GPHN: variants seen among roughly 807,000 people sequenced by gnomAD.
GPHN encodes the protein gephyrin.
In GPHN, 17 loss-of-function variants were observed where a neutral mutation model predicts 95.5. The ratio of observed to expected loss-of-function variants is 0.18; its 90% confidence interval spans 0.12 to 0.27. The LOEUF is 0.27. GPHN is among the 10% of genes least tolerant of loss of function. GPHN has a pLI of 1.00. For synonymous variants in GPHN, 320 were observed against 322.5 expected, an observed-to-expected ratio of 0.99 and a Z score of 0.08; for missense variants, 660 against 978.1, an observed-to-expected ratio of 0.67 and a Z score of 4.34.
chr14:67,535,892 A>G, the GPHN span, among the ~76,000 whole-genome samples: 4 of 152,358 alleles, frequency 2.6e-5, no homozygotes, highest in Non-Finnish European at 5.9e-5. Context: ...TGACGGTTTC[A>G]TATGGTTCAA....
At chr14:66,518,179 A>G (rs2058330686) in intron 1 of GPHN, among the ~76,000 whole-genome samples, 1 of 152,052 alleles carries the variant, frequency 6.6e-6, no homozygotes. Flanking sequence ...CTGATTAAAA[A>G]AAGATGGGAT....
chr14:66,802,593 A>G (rs2060398705), intron 3 of GPHN, among the ~76,000 whole-genome samples: 2 of 152,174 alleles, frequency 1.3e-5, no homozygotes, highest in Admixed American at 6.5e-5. Context: ...AGCAAGTCTC[A>G]CCATCTCACC....
Position 66,824,458 on chromosome 14 carries a change from T to A in GPHN, c.202-16T>A, listed in dbSNP as rs556470025. ...CAAATTTTTCTGCACATGACTATAC[T>A]ATTGTTTTCTTTCAGGAAACCCTGA... On this transcript the variant is annotated splice_polypyrimidine_tract_variant and intron_variant, in intron 3 of 22. Transcript: ENST00000478722. The A allele has an allele frequency of 4.7e-5, 65 of 1,387,596 alleles. No individual in the cohort carries two copies. In the South Asian group the frequency reaches 7.0e-4, roughly 15 times the overall value. The allele number at this position is 1,387,596 out of a possible 1,614,324, so 86.0% of individuals were successfully genotyped here.
At chr14:66,691,738 T>C (rs1208042289) in intron 2 of GPHN, among the ~76,000 whole-genome samples, 1 of 152,138 alleles carries the variant, frequency 6.6e-6, no homozygotes, top group Non-Finnish European at 1.5e-5. Flanking sequence ...ATATAGAGGA[T>C]AGACTACAAA....
At chr14:67,202,067 C>A in the GPHN span, among the ~76,000 whole-genome samples, 1 of 152,204 alleles carries the variant, frequency 6.6e-6, no homozygotes, top group Non-Finnish European at 1.5e-5. Flanking sequence ...GAGTCCATAT[C>A]CAGGGGTGTG....
At chr14:67,374,552 GTTGATCT>G in the GPHN span, 8 of 1,593,952 alleles carry the variant, frequency 5.0e-6, no homozygotes, top group African/African-American at 9.4e-5. Flanking sequence ...AAAACTGTAA[GTTGATCT>G]TTGAGTCAAA....
chr14:67,167,824 A>G (rs2082370216), intron 20 of GPHN, among the ~76,000 whole-genome samples: 1 of 152,214 alleles, frequency 6.6e-6, no homozygotes, highest in African/African-American at 2.4e-5. Context: ...GACTCAAAAA[A>G]CTTTGGAACT....
At chr14:66,645,393 T>G (rs955187481) in intron 1 of GPHN, among the ~76,000 whole-genome samples, 1 of 152,108 alleles carries the variant, frequency 6.6e-6, no homozygotes, top group Non-Finnish European at 1.5e-5. Flanking sequence ...TACATCTTTA[T>G]TTAAAAATTT....
intron 8 of GPHN, among the ~76,000 whole-genome samples, chr14:66,939,287 A>G (rs1201770545): frequency 6.6e-6 from 1 of 152,216 alleles, no homozygotes; most frequent in Non-Finnish European, 1.5e-5. Flanking sequence ...TATACCTGAT[A>G]AGAGATTAAT....
At chr14:66,758,936 C>T (rs1018590260) in intron 2 of GPHN, among the ~76,000 whole-genome samples, 11 of 152,246 alleles carry the variant, frequency 7.2e-5, no homozygotes, top group Non-Finnish European at 1.2e-4. Context: ...AATTTAATGG[C>T]AAGTGTATGA....
intron 1 of GPHN, among the ~76,000 whole-genome samples, chr14:66,577,572 G>A (rs2060959479): frequency 6.6e-6 from 1 of 152,066 alleles, no homozygotes. Context: ...GTCAACCAAA[G>A]TCTCAGTGAT....
the GPHN span, chr14:67,569,686 A>G: frequency 1.8e-6 from 1 of 566,254 alleles, no homozygotes; most frequent in Non-Finnish European, 3.2e-6. Flanking sequence ...CATGGAGGAA[A>G]AAATGGTTAA....
In GPHN at chr14:66,708,067, G is replaced by A. The variant is rs566631528; in HGVS notation, c.143+26882G>A. On this transcript the variant is annotated intron_variant, in intron 2 of 22. Coordinates refer to ENST00000478722, the MANE Select transcript of GPHN (RefSeq NM_020806.5). ...ACAGTTTGACTAAAGATTTCCAAGT[G>A]AATTTTTAAAACATGCACCCAAGTT... 2.4e-3 allele frequency among the ~76,000 whole-genome samples: 365 copies of A among 152,174 alleles called. 4 individuals are homozygous for A. The highest frequency in any genetic ancestry group is 8.3e-3 in the African/African-American group (344 of 41,514).
intron 1 of GPHN, among the ~76,000 whole-genome samples, chr14:66,567,579 G>A (rs1258853570): frequency 6.6e-6 from 1 of 152,146 alleles, no homozygotes; most frequent in Non-Finnish European, 1.5e-5. Flanking sequence ...CTTATGGCCA[G>A]TAATGCAACC....
chr14:67,133,608 C>T (rs2079858494), intron 17 of GPHN, among the ~76,000 whole-genome samples: 1 of 151,992 alleles, frequency 6.6e-6, no homozygotes, highest in Non-Finnish European at 1.5e-5. Context: ...TGGAATTGAG[C>T]CCCCAAAGCA....
chr14:66,632,472 CT>C (rs2063861792), intron 1 of GPHN, among the ~76,000 whole-genome samples: 1 of 148,924 alleles, frequency 6.7e-6, no homozygotes, highest in Admixed American at 6.7e-5. Flanking sequence ...CCATACTTTC[CT>C]TTCTTACAAT....
the GPHN span, among the ~76,000 whole-genome samples, chr14:67,720,385 T>G: frequency 6.6e-6 from 1 of 152,236 alleles, no homozygotes; most frequent in Non-Finnish European, 1.5e-5. Flanking sequence ...TTTTAAGTTT[T>G]AGTTTTCAGT....
the GPHN span, among the ~76,000 whole-genome samples, chr14:67,273,064 C>G: frequency 6.7e-6 from 1 of 148,868 alleles, no homozygotes; most frequent in Non-Finnish European, 1.5e-5. Flanking sequence ...AGTCTGTTCT[C>G]ATTGCCACCC....
At chr14:67,254,722 C>A in the GPHN span, among the ~76,000 whole-genome samples, 2 of 152,196 alleles carry the variant, frequency 1.3e-5, no homozygotes, top group Non-Finnish European at 2.9e-5. Context: ...ACTATCCCCC[C>A]ACCTGCCTTT....
Sources: allele counts gnomAD v4.1 joint callset (sites outside exome capture counted in the v4.1 genomes callset), GRCh38; gene constraint gnomAD v4.1.1; transcripts MANE v1.5; gene names NCBI Gene and HGNC (gene_info 2026-07-23, HGNC 2026-07-21).